Variants in TOGARAM2 observed in about 807,000 individuals in gnomAD.
TOGARAM2 encodes the protein TOG array regulator of axonemal microtubules protein 2.
Under a neutral mutation model 93.3 loss-of-function variants are expected in TOGARAM2, and 85 were observed. The observed-to-expected ratio is 0.91, with a 90% CI of 0.76 to 1.09. The LOEUF (loss-of-function observed/expected upper bound fraction) is 1.09. TOGARAM2 is among the 50% of genes least tolerant of loss of function. The probability of loss-of-function intolerance (pLI) is 0.00; values close to 1 mark genes in which losing one functional copy is unlikely to be tolerated. For synonymous variants in TOGARAM2, 593 were observed against 552.8 expected (o/e 1.07, Z -1.02); for missense variants, 1,277 against 1,334.5 (o/e 0.96, Z 0.67).
intron 7 of TOGARAM2, 142 bp from the exon 8 acceptor site, chr2:29,014,253 A>G (rs1664417690): frequency 7.2e-6 from 7 of 978,104 alleles, no homozygotes; most frequent in Admixed American, 2.5e-5. Context: ...TGCCCTGTAC[A>G]GTAAACCTAA....
chr2:29,017,568 G>A (rs990471170), intron 9 of TOGARAM2, among the ~76,000 whole-genome samples: 1 of 152,054 alleles, frequency 6.6e-6, no homozygotes, highest in African/African-American at 2.4e-5. Context: ...TACCATGCTT[G>A]GCTAATTTCT....
At chr2:28,966,637 G>A (rs1248343395) in intron 1 of TOGARAM2, among the ~76,000 whole-genome samples, 1 of 152,148 alleles carries the variant, frequency 6.6e-6, no homozygotes, top group Non-Finnish European at 1.5e-5. Context: ...AATAATCCAT[G>A]TTTACAGTAG....
intron 1 of TOGARAM2, among the ~76,000 whole-genome samples, chr2:28,974,965 T>C (rs1672002396): frequency 6.6e-6 from 1 of 151,978 alleles, no homozygotes; most frequent in South Asian, 2.1e-4. Context: ...TTTTTTCTGT[T>C]GGTTGCTATC....
intron 7 of TOGARAM2, among the ~76,000 whole-genome samples, chr2:29,013,093 G>A (rs1664349310): frequency 6.6e-6 from 1 of 152,234 alleles, no homozygotes; most frequent in Non-Finnish European, 1.5e-5. Flanking sequence ...GCAGACCCCT[G>A]ACTTGCAGGT....
intron 13 of TOGARAM2, among the ~76,000 whole-genome samples, chr2:29,025,273 G>A (rs1282445473): frequency 3.3e-5 from 5 of 152,204 alleles, no homozygotes; most frequent in African/African-American, 1.2e-4. Context: ...TACCTCATGA[G>A]GTTGTTATGA....
intron 6 of TOGARAM2, 89 bp downstream of exon 6, chr2:29,003,771 T>A (rs749746037): frequency 4.6e-5 from 57 of 1,229,910 alleles, no homozygotes; most frequent in Non-Finnish European, 6.1e-5. Flanking sequence ...TGACCCTCCA[T>A]GCTGTGGCAG....
intron 18 of TOGARAM2, among the ~76,000 whole-genome samples, chr2:29,044,604 G>T (rs1666628621): frequency 6.6e-6 from 1 of 152,074 alleles, no homozygotes. Context: ...AGAGCACAGT[G>T]CTTCTCACCT....
At chr2:29,007,994 C>T (rs139160340) in intron 6 of TOGARAM2, among the ~76,000 whole-genome samples, 177 of 152,128 alleles carry the variant, frequency 1.2e-3, no homozygotes, top group Non-Finnish European at 2.0e-3. Context: ...CTTTAAAGGG[C>T]GGCAAGGAGG....
intron 19 of TOGARAM2, 82 bp from the exon 20 acceptor site, chr2:29,051,674 G>C: frequency 2.4e-6 from 3 of 1,225,894 alleles, no homozygotes; most frequent in African/African-American, 1.5e-5. Context: ...CCCTTTGGGG[G>C]ACAAAGTTGG....
chr2:28,968,941 A>G (rs1671907756), intron 1 of TOGARAM2, among the ~76,000 whole-genome samples: 1 of 151,696 alleles, frequency 6.6e-6, no homozygotes. Flanking sequence ...CTCTGCTGTG[A>G]TCGCTGTCAG....
chr2:29,006,410 G>A (rs916349810), intron 6 of TOGARAM2, among the ~76,000 whole-genome samples: 3 of 111,222 alleles, frequency 2.7e-5, no homozygotes, highest in South Asian at 3.2e-4. Context: ...GTGCATGTGT[G>A]TTCATGTGTA....
chr2:29,042,547 G>A (rs559977728), intron 18 of TOGARAM2, among the ~76,000 whole-genome samples: 13 of 152,310 alleles, frequency 8.5e-5, no homozygotes, highest in South Asian at 2.1e-4. Context: ...GAACACTCGG[G>A]GGGGCTACAG....
intron 19 of TOGARAM2, chr2:29,047,326 C>A (rs1160329615): frequency 3.9e-5 from 6 of 152,244 alleles, no homozygotes; most frequent in African/African-American, 1.4e-4. Context: ...CTGTCCTTGT[C>A]TGGGTAATTT....
chr2:29,005,447 ATG>A (rs1171413172), intron 6 of TOGARAM2, among the ~76,000 whole-genome samples: 23 of 132,240 alleles, frequency 1.7e-4, no homozygotes, highest in East Asian at 5.0e-4. Flanking sequence ...GAGTGCATGT[ATG>A]TGAGAGCATG....
At chr2:28,977,747 G>A (rs1185738456), upstream of TOGARAM2, among the ~76,000 whole-genome samples, 2 of 152,106 alleles carry the variant, frequency 1.3e-5, no homozygotes, top group Admixed American at 6.5e-5. Context: ...GGAGAGGGGC[G>A]GGCAGTTACA....
chr2:28,982,028 C>T (rs1315533308), intron 1 of TOGARAM2, among the ~76,000 whole-genome samples: 2 of 152,112 alleles, frequency 1.3e-5, no homozygotes, highest in East Asian at 3.9e-4. Flanking sequence ...TGAATTCTAA[C>T]CCCCCCTCTT....
intron 1 of TOGARAM2, among the ~76,000 whole-genome samples, chr2:28,993,025 A>C (rs1672809840): frequency 6.7e-6 from 1 of 148,780 alleles, no homozygotes; most frequent in Non-Finnish European, 1.5e-5. Context: ...ATGCCACTGC[A>C]CTCCAGCCTG....
intron 8 of TOGARAM2, among the ~76,000 whole-genome samples, chr2:29,015,961 A>T (rs1333829915): frequency 6.6e-6 from 1 of 151,612 alleles, no homozygotes; most frequent in Non-Finnish European, 1.5e-5. Flanking sequence ...TATGCTGAGG[A>T]CTCCCACACC....
rs1475782172 is a variant in TOGARAM2 at position 28,986,021 on chromosome 2, G to A, written c.-111+4483G>A. Among the ~76,000 whole-genome samples the A allele has an allele frequency of 2.0e-5, 3 of 151,608 alleles. No homozygotes were observed. The East Asian group carries it at 5.8e-4, about 29-fold the overall frequency. ...CCAGCTACTTGCAAGGCTGAGGCAG[G>A]AGAGTTGCTTGAACCTGGGAGGTGG... is the stretch of plus-strand genomic sequence containing the variant. On this transcript the variant is annotated intron_variant, in intron 1 of 19. Transcript: ENST00000379558.
Sources: gnomAD v4.1 joint callset for allele counts (sites outside exome capture counted in the v4.1 genomes callset) on GRCh38, gnomAD v4.1.1 for gene constraint, MANE v1.5 for transcripts, NCBI Gene and HGNC (gene_info 2026-07-23, HGNC 2026-07-21) for gene names.